Variants in NUP160 observed in about 807,000 individuals in gnomAD.
NUP160 encodes nuclear pore complex protein Nup160.
In NUP160, 94 loss-of-function variants were observed where a neutral mutation model predicts 196.9. That is an observed-to-expected ratio of 0.48 (90% CI 0.40 to 0.57). NUP160 has a LOEUF of 0.57. NUP160 is among the 20% of genes least tolerant of loss of function. The probability of loss-of-function intolerance (pLI) is 0.00; values close to 1 mark genes in which losing one functional copy is unlikely to be tolerated. For synonymous variants in NUP160, 605 were observed against 619.7 expected (o/e 0.98, Z 0.35); for missense variants, 1,638 against 1,748.3 (o/e 0.94, Z 1.13).
intron 2 of NUP160, 135 bp downstream of exon 2, chr11:47,847,713 A>G: frequency 3.3e-6 from 2 of 613,130 alleles, no homozygotes; most frequent in Middle Eastern, 2.6e-4. Flanking sequence ...CGATTCTGAT[A>G]CGAACTGAAA....
Position 47,797,962 on chromosome 11 carries a change from G to T in NUP160, c.3183+16C>A. 6.4e-7 allele frequency: 1 copy of T among 1,552,640 alleles called. No individual in the cohort carries two copies. The highest frequency in any genetic ancestry group is 1.1e-5 in the South Asian group (1 of 89,124). ...ACCATACTTGTTGAAAGCCATCACT[G>T]GATAAGTAAAATTACCTCATTATGC... On this transcript the variant is annotated intron_variant, in intron 26 of 35. Coordinates refer to ENST00000378460, the Ensembl canonical transcript of NUP160.
At chr11:47,828,283 AC>A (rs1262748188) in intron 7 of NUP160, among the ~76,000 whole-genome samples, 1 of 152,250 alleles carries the variant, frequency 6.6e-6, no homozygotes, top group African/African-American at 2.4e-5. Flanking sequence ...TTATGAATAT[AC>A]AAAAATCAAC....
chr11:47,834,129 C>A (rs994576297), intron 7 of NUP160, among the ~76,000 whole-genome samples: 1 of 152,056 alleles, frequency 6.6e-6, no homozygotes, highest in Non-Finnish European at 1.5e-5. Context: ...CACATCCAGC[C>A]AGTTTTAATT....
chr11:47,788,747 T>A (rs539239505), intron 29 of NUP160, 136 bp from the exon 30 acceptor site: 2 of 621,498 alleles, frequency 3.2e-6, no homozygotes, highest in East Asian at 5.5e-5. Flanking sequence ...AAGGAGAAAA[T>A]AGGGCACTAA....
chr11:47,801,826 C>T (rs1265989040), exon 23 of NUP160: 4 of 1,613,948 alleles, frequency 2.5e-6, no homozygotes, highest in South Asian at 2.2e-5. Context: ...CATAATACTG[C>T]AGCCTGGGGG....
At chr11:47,837,935 C>G (rs543659415) in intron 4 of NUP160, among the ~76,000 whole-genome samples, 1 of 152,178 alleles carries the variant, frequency 6.6e-6, no homozygotes, top group African/African-American at 2.4e-5. Flanking sequence ...ATGTGCCAGG[C>G]ACAGTTCTAG....
chr11:47,827,295 T>G, intron 7 of NUP160: 1 of 370,596 alleles, frequency 2.7e-6, no homozygotes, highest in Non-Finnish European at 5.3e-6. Context: ...ACCTGAGAGG[T>G]GGAGGTTGCA....
intron 7 of NUP160, among the ~76,000 whole-genome samples, chr11:47,827,833 G>GA (rs1328072890): frequency 6.8e-6 from 1 of 146,492 alleles, no homozygotes; most frequent in East Asian, 2.0e-4. Context: ...AGAAGGAAAA[G>GA]AAAAAAAGAA....
intron 19 of NUP160, among the ~76,000 whole-genome samples, chr11:47,806,790 TACACACACACACACACAC>T (rs57141346): frequency 0.016 from 1,821 of 111,852 alleles, 46 homozygotes; most frequent in African/African-American, 0.042. Flanking sequence ...AAAGCAGCTA[TACACACACACACACACAC>T]ACACACACAC....
intron 27 of NUP160, among the ~76,000 whole-genome samples, chr11:47,793,730 T>TTTTG (rs1565189754): frequency 6.8e-5 from 2 of 29,590 alleles, no homozygotes; most frequent in Non-Finnish European, 7.1e-5. Context: ...CTGTTTTTTT[T>TTTTG]TTTTTTTTTT....
Position 47,782,861 on chromosome 11 carries a change from G to A in NUP160, c.4116+212C>T, listed in dbSNP as rs113405561. Among the ~76,000 whole-genome samples the A allele has an allele frequency of 8.1e-3, 1,231 of 152,250 alleles. 20 individuals are homozygous for A. Among genetic ancestry groups the A allele is most frequent in the African/African-American group, 0.028 (1,157 of 41,554 alleles). On this transcript the variant is annotated intron_variant, in intron 34 of 35. Transcript: ENST00000378460. ...TTTAGTAGAGACGGGGCTTTGCCAT[G>A]TTGGCCAAACTGGTTTCGAACTCCT...
intron 6 of NUP160, among the ~76,000 whole-genome samples, chr11:47,836,050 C>G (rs1386706934): frequency 6.6e-6 from 1 of 152,154 alleles, no homozygotes; most frequent in South Asian, 2.1e-4. Context: ...AGTTCGAGAC[C>G]AGCCTGGCCA....
chr11:47,805,847 G>A (rs1300445103), intron 20 of NUP160, among the ~76,000 whole-genome samples: 1 of 151,748 alleles, frequency 6.6e-6, no homozygotes, highest in Non-Finnish European at 1.5e-5. Context: ...TTGAGAAGGA[G>A]TCTTGCTCTG....
chr11:47,781,745 A>G (rs2097660974), intron 34 of NUP160, among the ~76,000 whole-genome samples: 1 of 152,216 alleles, frequency 6.6e-6, no homozygotes, highest in African/African-American at 2.4e-5. Flanking sequence ...AAATGCTTGT[A>G]GAGACTTAAC....
chr11:47,841,469 T>C (rs1362028028), intron 2 of NUP160: 1 of 408,748 alleles, frequency 2.4e-6, no homozygotes. Flanking sequence ...AACAAGGTAG[T>C]GAACCTGCAG....
chr11:47,802,191 G>C (rs746173999), intron 22 of NUP160, among the ~76,000 whole-genome samples: 2 of 151,992 alleles, frequency 1.3e-5, no homozygotes, highest in Non-Finnish European at 2.9e-5. Flanking sequence ...CCAGCACTTC[G>C]GGAGGCTGAG....
chr11:47,841,301 T>G (rs1599350532), intron 2 of NUP160: 3 of 296,890 alleles, frequency 1.0e-5, no homozygotes, highest in Non-Finnish European at 1.4e-5. Context: ...CTGCACAGGG[T>G]TTTTAGAACT....
At chr11:47,802,203 C>T (rs1357694750) in intron 22 of NUP160, among the ~76,000 whole-genome samples, 2 of 151,854 alleles carry the variant, frequency 1.3e-5, no homozygotes, top group African/African-American at 2.4e-5. Flanking sequence ...GAGGCTGAGG[C>T]GGGTGGATCA....
At chr11:47,798,227 C>T (rs2097671993) in exon 25 of NUP160, 3 of 1,612,266 alleles carry the variant, frequency 1.9e-6, no homozygotes, top group Non-Finnish European at 2.5e-6. Context: ...GACCCAAATC[C>T]AAATGATGTT....
Sources: allele counts gnomAD v4.1 joint callset (sites outside exome capture counted in the v4.1 genomes callset), GRCh38; gene constraint gnomAD v4.1.1; transcripts MANE v1.5; gene names NCBI Gene and HGNC (gene_info 2026-07-23, HGNC 2026-07-21).